Variants in ATP6V1H observed in about 807,000 individuals in gnomAD.
The protein encoded by ATP6V1H is ATPase H+ transporting V1 subunit H.
A neutral mutation model predicts 71.7 loss-of-function variants in ATP6V1H; 39 were observed. That is an observed-to-expected ratio of 0.54 (90% CI 0.42 to 0.71). ATP6V1H has a LOEUF of 0.71. Among genes scored for constraint, ATP6V1H ranks in the 30% least tolerant of loss-of-function variants. The pLI is 0.00. For synonymous variants in ATP6V1H, 192 were observed against 199.3 expected, an observed-to-expected ratio of 0.96 and a Z score of 0.31; for missense variants, 509 against 594.9, an observed-to-expected ratio of 0.86 and a Z score of 1.50.
At chr8:53,776,713 G>C (rs1459817219) in intron 9 of ATP6V1H, among the ~76,000 whole-genome samples, 1 of 152,142 alleles carries the variant, frequency 6.6e-6, no homozygotes, top group African/African-American at 2.4e-5. Context: ...ACACTCAAGA[G>C]AAAAGTCAGT....
intron 11 of ATP6V1H, among the ~76,000 whole-genome samples, chr8:53,761,910 C>T (rs1186261553): frequency 4.6e-5 from 7 of 151,984 alleles, no homozygotes; most frequent in African/African-American, 7.3e-5. Flanking sequence ...AATATTGAAG[C>T]GGAAAGTCAG....
intron 4 of ATP6V1H, among the ~76,000 whole-genome samples, chr8:53,820,703 C>T (rs976719980): frequency 6.6e-6 from 1 of 150,950 alleles, no homozygotes; most frequent in Non-Finnish European, 1.5e-5. Context: ...CAAAAGAGGC[C>T]AGGTGCAGTG....
chr8:53,740,827 A>G (rs1447382606), intron 13 of ATP6V1H, among the ~76,000 whole-genome samples: 1 of 152,198 alleles, frequency 6.6e-6, no homozygotes, highest in South Asian at 2.1e-4. Context: ...TTAGTCTCAA[A>G]TTAAACTGGT....
chr8:53,820,820 A>G (rs1269413181), intron 4 of ATP6V1H, among the ~76,000 whole-genome samples: 1 of 151,694 alleles, frequency 6.6e-6, no homozygotes, highest in Non-Finnish European at 1.5e-5. Flanking sequence ...TGTCTCTACT[A>G]AAAAAACAAA....
chr8:53,721,349 T>C (rs1806604623), intron 13 of ATP6V1H, among the ~76,000 whole-genome samples: 1 of 152,186 alleles, frequency 6.6e-6, no homozygotes, highest in African/African-American at 2.4e-5. Flanking sequence ...CTCATCTGTA[T>C]CTAATTTACA....
At chr8:53,816,514 T>C (rs554045317) in intron 5 of ATP6V1H, among the ~76,000 whole-genome samples, 1 of 152,264 alleles carries the variant, frequency 6.6e-6, no homozygotes, top group African/African-American at 2.4e-5. Context: ...AACAGGAGTG[T>C]AGGCCGGGTG....
Position 53,840,388 on chromosome 8 carries a change from C to T in ATP6V1H, c.113+1190G>A, listed in dbSNP as rs1811304952. 2.6e-5 allele frequency among the ~76,000 whole-genome samples: 4 copies of T among 151,942 alleles called. No homozygotes were observed. In the South Asian group the frequency reaches 8.3e-4, roughly 32 times the overall value. ...TGTCAGGTGCCTGTAATCCCAGCTA[C>T]TCGGGAGGCTGAGGAAGGAGAACTG... On this transcript the variant is annotated intron_variant, in intron 2 of 13. Transcript: ENST00000359530.
At chr8:53,800,161 C>T (rs898163368) in intron 8 of ATP6V1H, among the ~76,000 whole-genome samples, 4 of 152,172 alleles carry the variant, frequency 2.6e-5, no homozygotes, top group East Asian at 3.9e-4. Context: ...ATACCCTGTG[C>T]GACCCCTCTG....
chr8:53,802,092 C>T (rs1161054703), intron 7 of ATP6V1H, among the ~76,000 whole-genome samples, 196 bp from the exon 8 acceptor site: 7 of 151,828 alleles, frequency 4.6e-5, no homozygotes, highest in African/African-American at 1.7e-4. Context: ...AAGATTTTGT[C>T]TCCTGAATTA....
At chr8:53,720,495 A>G (rs1409752366) in intron 13 of ATP6V1H, among the ~76,000 whole-genome samples, 2 of 152,238 alleles carry the variant, frequency 1.3e-5, no homozygotes, top group Non-Finnish European at 2.9e-5. Context: ...CTAGGGCACC[A>G]GGAAGCACTT....
intron 9 of ATP6V1H, among the ~76,000 whole-genome samples, chr8:53,772,573 C>T (rs1177123300): frequency 6.6e-6 from 1 of 152,076 alleles, no homozygotes; most frequent in Non-Finnish European, 1.5e-5. Context: ...TTCTCCAGTT[C>T]CCAGTCTGTC....
intron 9 of ATP6V1H, among the ~76,000 whole-genome samples, chr8:53,780,823 G>A (rs1287869388): frequency 1.3e-5 from 2 of 152,132 alleles, no homozygotes; most frequent in African/African-American, 4.8e-5. Flanking sequence ...AGTTTGCTGA[G>A]AATGATGGTT....
chr8:53,829,337 C>A, intron 4 of ATP6V1H, 107 bp downstream of exon 4: 1 of 727,742 alleles, frequency 1.4e-6, no homozygotes, highest in Non-Finnish European at 2.4e-6. Context: ...TTATTATGCT[C>A]TAGAAGAGAA....
chr8:53,783,419 T>C (rs1809243349), intron 9 of ATP6V1H, among the ~76,000 whole-genome samples: 1 of 152,338 alleles, frequency 6.6e-6, no homozygotes. Context: ...TGTGTCTATT[T>C]GATTCTTCTC....
intron 12 of ATP6V1H, among the ~76,000 whole-genome samples, chr8:53,755,742 A>C (rs377763917): frequency 1.7e-3 from 3 of 1,752 alleles, no homozygotes; most frequent in African/African-American, 5.1e-3. Context: ...ATATATATAT[A>C]TATTTTTTTT....
intron 9 of ATP6V1H, among the ~76,000 whole-genome samples, chr8:53,793,473 T>G (rs145362618): frequency 1.3e-5 from 2 of 152,054 alleles, no homozygotes; most frequent in Non-Finnish European, 1.5e-5. Flanking sequence ...ATCCTGTCTC[T>G]ACAAAAGATT....
At chr8:53,787,876 T>C (rs1306637917) in intron 9 of ATP6V1H, among the ~76,000 whole-genome samples, 1 of 152,112 alleles carries the variant, frequency 6.6e-6, no homozygotes, top group Non-Finnish European at 1.5e-5. Flanking sequence ...GGAAAAATAA[T>C]AACAATCATT....
At chr8:53,724,377 T>A (rs1049038937) in intron 13 of ATP6V1H, among the ~76,000 whole-genome samples, 1 of 152,084 alleles carries the variant, frequency 6.6e-6, no homozygotes, top group African/African-American at 2.4e-5. Context: ...TTCCCTAATA[T>A]CCTTTTTCTC....
intron 12 of ATP6V1H, among the ~76,000 whole-genome samples, chr8:53,755,728 AT>A (rs1808020236): frequency 1.7e-4 from 1 of 5,896 alleles, no homozygotes; most frequent in African/African-American, 1.3e-3. Flanking sequence ...ATATATATAT[AT>A]ATATATATAT....
Sources: allele counts gnomAD v4.1 joint callset (sites outside exome capture counted in the v4.1 genomes callset), GRCh38; gene constraint gnomAD v4.1.1; transcripts MANE v1.5; gene names NCBI Gene and HGNC (gene_info 2026-07-23, HGNC 2026-07-21).